ANKRD33B: variants seen among roughly 807,000 people sequenced by gnomAD.
The protein encoded by ANKRD33B is ankyrin repeat domain-containing protein 33B.
Under a neutral mutation model 21.5 loss-of-function variants are expected in ANKRD33B, and 6 were observed. The ratio of observed to expected loss-of-function variants is 0.28; its 90% CI spans 0.15 to 0.55. The LOEUF (loss-of-function observed/expected upper bound fraction) is 0.55, where lower values mean the gene tolerates loss of function less well. Among genes scored for constraint, ANKRD33B ranks in the 20% least tolerant of loss-of-function variants. ANKRD33B has a pLI of 0.94. For synonymous variants in ANKRD33B, 347 were observed against 342.4 expected, an observed-to-expected ratio of 1.01 and a Z score of -0.15; for missense variants, 698 against 747.2, an observed-to-expected ratio of 0.93 and a Z score of 0.77.
intron 2 of ANKRD33B, among the ~76,000 whole-genome samples, chr5:10,632,583 C>G (rs1202468618): frequency 1.3e-5 from 2 of 152,184 alleles, no homozygotes; most frequent in Non-Finnish European, 2.9e-5. Context: ...CTCCCTCCTC[C>G]TGCCCGGGGT....
chr5:10,598,990 G>A (rs1735876431), intron 1 of ANKRD33B, among the ~76,000 whole-genome samples: 1 of 152,204 alleles, frequency 6.6e-6, no homozygotes, highest in Non-Finnish European at 1.5e-5. Context: ...ATATACACCT[G>A]TGCAGTCATC....
At chr5:10,611,030 C>T (rs768891752) in intron 1 of ANKRD33B, among the ~76,000 whole-genome samples, 9 of 151,888 alleles carry the variant, frequency 5.9e-5, no homozygotes, top group Non-Finnish European at 8.8e-5. Context: ...GGCAGCAGAG[C>T]GAAACTCCTT....
intron 1 of ANKRD33B, among the ~76,000 whole-genome samples, chr5:10,571,892 C>CT (rs11433872): frequency 0.77 from 111,572 of 144,192 alleles, 43,306 homozygotes; most frequent in East Asian, 0.87. Flanking sequence ...TTTCTTTTTT[C>CT]TTTTTTTTTT....
chr5:10,589,673 G>A (rs952749725), intron 1 of ANKRD33B, among the ~76,000 whole-genome samples: 1 of 152,098 alleles, frequency 6.6e-6, no homozygotes, highest in Non-Finnish European at 1.5e-5. Context: ...ATCTTCTTGA[G>A]GTCTAAGGAT....
intron 1 of ANKRD33B, among the ~76,000 whole-genome samples, chr5:10,566,138 A>G (rs142086529): frequency 1.6e-4 from 25 of 152,280 alleles, no homozygotes; most frequent in Middle Eastern, 3.4e-3. Context: ...GCCAAACCAT[A>G]TCACACAACA....
At chr5:10,632,316 T>G (rs1206458335) in intron 2 of ANKRD33B, among the ~76,000 whole-genome samples, 5 of 151,990 alleles carry the variant, frequency 3.3e-5, no homozygotes, top group African/African-American at 9.7e-5. Flanking sequence ...GTGAAAAATT[T>G]AACATTTTCC....
chr5:10,641,925 A>AG (rs1354138387), intron 3 of ANKRD33B, among the ~76,000 whole-genome samples: 5 of 152,232 alleles, frequency 3.3e-5, no homozygotes, highest in African/African-American at 7.2e-5. Flanking sequence ...TGCCCTCATC[A>AG]ATGAGAAATG....
intron 1 of ANKRD33B, among the ~76,000 whole-genome samples, chr5:10,602,879 CACAGCTCACT>C: frequency 6.7e-6 from 1 of 150,156 alleles, no homozygotes. Flanking sequence ...GTGGCATGAT[CACAGCTCACT>C]GCAGACTTGA....
intron 1 of ANKRD33B, among the ~76,000 whole-genome samples, chr5:10,577,356 C>G (rs2126549504): frequency 6.6e-6 from 1 of 152,332 alleles, no homozygotes; most frequent in East Asian, 1.9e-4. Context: ...TCTCGAACTC[C>G]TGACCTCAAG....
At position 10,651,933 on chromosome 5, in the gene ANKRD33B, A is replaced by T. The variant is rs560066702; in HGVS notation, c.*1820A>T. On this transcript the variant is annotated 3_prime_UTR_variant, in exon 4 of 4. Coordinates refer to ENST00000296657, the MANE Select transcript of ANKRD33B (RefSeq NM_001164440.2). ...AGTTCCTCCTTAATCCCAGAAGGGC[A>T]CCATGATGAATGCCACAGGAGACTG... 8 of 152,418 alleles carry T rather than the reference A, an allele frequency of 5.2e-5. No homozygotes were observed. Among genetic ancestry groups the T allele is most frequent in the Non-Finnish European group, 1.2e-4 (8 of 68,074 alleles). 9.4% of individuals were successfully genotyped at this position (152,418 alleles called of 1,614,324 possible). A position where few individuals can be genotyped will look rare whatever the true frequency, so the allele number is the denominator to read the frequency against.
rs941357435 is a variant in ANKRD33B at position 10,564,148 on chromosome 5, G to C, written c.-320G>C. 6.6e-6 allele frequency among the ~76,000 whole-genome samples: 1 copy of C among 152,098 alleles called. No homozygotes were observed. The highest frequency in any genetic ancestry group is 1.5e-5 in the Non-Finnish European group (1 of 67,994). ...TGCCAGGTGCCCAGTCCCCGCGCTC[G>C]AGAGAGCGCCTGCCTGGCTCTGAAC... On this transcript the variant is annotated 5_prime_UTR_variant, in exon 1 of 4. Transcript: ENST00000296657.
At chr5:10,583,280 G>A (rs1022021600) in intron 1 of ANKRD33B, among the ~76,000 whole-genome samples, 2 of 152,162 alleles carry the variant, frequency 1.3e-5, no homozygotes, top group Admixed American at 1.3e-4. Context: ...GATTACAGGC[G>A]CGAGCCACCG....
rs1279514493 is a variant in ANKRD33B at position 10,578,806 on chromosome 5, ATT to A, written c.366+13978_366+13979del. Among the ~76,000 whole-genome samples, 39 of 152,270 alleles carry A rather than the reference ATT, an allele frequency of 2.6e-4. No homozygotes were observed. In the East Asian group the frequency reaches 7.1e-3, roughly 28 times the overall value. On this transcript the variant is annotated intron_variant, in intron 1 of 3. Transcript: ENST00000296657. ...TTTTGAAAAACCCCAAACCTATCTC[ATT>A]TTTTAGAGATAGTGACTTACAGTGA...
intron 1 of ANKRD33B, among the ~76,000 whole-genome samples, chr5:10,580,421 A>G (rs1350716695): frequency 6.6e-6 from 1 of 152,228 alleles, no homozygotes; most frequent in African/African-American, 2.4e-5. Flanking sequence ...CAGCAGGGTC[A>G]GCACTCAGTA....
At chr5:10,626,677 T>C (rs1367934822) in intron 2 of ANKRD33B, among the ~76,000 whole-genome samples, 1 of 152,200 alleles carries the variant, frequency 6.6e-6, no homozygotes, top group African/African-American at 2.4e-5. Flanking sequence ...TGGCCCCAGC[T>C]GCTAGAAGTG....
In ANKRD33B at chr5:10,638,009, T is replaced by C; in HGVS notation, c.497-19T>C. On this transcript the variant is annotated intron_variant, in intron 2 of 3. Coordinates refer to ENST00000296657, the MANE Select transcript of ANKRD33B (RefSeq NM_001164440.2). ...TTGTGGAAGTGGGAACCAATACACG[T>C]GTACACTTCTCTTTACAGGGCACGC... is the stretch of plus-strand genomic sequence containing the variant. The C allele has an allele frequency of 6.5e-7, 1 of 1,536,634 alleles. No individual in the cohort carries two copies. Among genetic ancestry groups the C allele is most frequent in the East Asian group, 2.4e-5 (1 of 41,016 alleles).
chr5:10,571,895 T>TC, intron 1 of ANKRD33B, among the ~76,000 whole-genome samples: 1 of 150,572 alleles, frequency 6.6e-6, no homozygotes, highest in East Asian at 1.9e-4. Context: ...CTTTTTTCTT[T>TC]TTTTTTTTTT....
chr5:10,615,459 G>C (rs1288323156), intron 1 of ANKRD33B, among the ~76,000 whole-genome samples: 1 of 152,188 alleles, frequency 6.6e-6, no homozygotes, highest in Admixed American at 6.5e-5. Flanking sequence ...ATAGGGATTT[G>C]TTAAATAATG....
intron 1 of ANKRD33B, among the ~76,000 whole-genome samples, chr5:10,572,848 T>C (rs1314412089): frequency 6.6e-6 from 1 of 152,184 alleles, no homozygotes; most frequent in African/African-American, 2.4e-5. Flanking sequence ...GCCAGAAGTG[T>C]GGGTCCTAAT....
Sources: allele counts gnomAD v4.1 joint callset (sites outside exome capture counted in the v4.1 genomes callset), GRCh38; gene constraint gnomAD v4.1.1; transcripts MANE v1.5; gene names NCBI Gene and HGNC (gene_info 2026-07-23, HGNC 2026-07-21).